The following CDH18 variants were observed in gnomAD, a reference collection of about 807,000 sequenced individuals.
CDH18 encodes the protein cadherin-18.
In CDH18, 31 loss-of-function variants were observed where a neutral mutation model predicts 67.9. That is an observed-to-expected ratio of 0.46 (90% CI 0.34 to 0.62). CDH18 has a LOEUF of 0.62. Among genes scored for constraint, CDH18 ranks in the 20% least tolerant of loss-of-function variants. The pLI, the probability that CDH18 is intolerant of heterozygous loss-of-function variation, is 0.01. For missense variants in CDH18, 890 were observed against 975.5 expected, an observed-to-expected ratio of 0.91 and a Z score of 1.17; for synonymous variants, 362 against 347.2, an observed-to-expected ratio of 1.04 and a Z score of -0.48.
chr5:19,609,187 T>G (rs963483255), intron 6 of CDH18, among the ~76,000 whole-genome samples: 2 of 151,932 alleles, frequency 1.3e-5, no homozygotes, highest in South Asian at 4.1e-4. Flanking sequence ...GATGGATGAT[T>G]TTCTCTAGAA....
At chr5:20,254,822 A>C (rs1744108432) in intron 2 of CDH18, among the ~76,000 whole-genome samples, 2 of 152,282 alleles carry the variant, frequency 1.3e-5, no homozygotes, top group South Asian at 2.1e-4. Flanking sequence ...TTGTATGTTC[A>C]TTGCAACACT....
intron 2 of CDH18, among the ~76,000 whole-genome samples, chr5:20,008,807 T>G (rs1171399594): frequency 1.3e-5 from 2 of 152,066 alleles, no homozygotes; most frequent in African/African-American, 4.8e-5. Flanking sequence ...AGCCAATATG[T>G]CTAGAGCAAT....
At chr5:19,629,982 G>T (rs1330374200) in intron 5 of CDH18, among the ~76,000 whole-genome samples, 4 of 151,852 alleles carry the variant, frequency 2.6e-5, no homozygotes, top group Non-Finnish European at 5.9e-5. Flanking sequence ...CATCGTACAG[G>T]CTGGAGTGCA....
chr5:20,133,532 T>A (rs1374558770), intron 2 of CDH18, among the ~76,000 whole-genome samples: 1 of 152,140 alleles, frequency 6.6e-6, no homozygotes, highest in Non-Finnish European at 1.5e-5. Flanking sequence ...TCAAACCATA[T>A]CACCATTAAA....
At chr5:20,088,790 T>A (rs1344677697) in intron 2 of CDH18, among the ~76,000 whole-genome samples, 1 of 152,166 alleles carries the variant, frequency 6.6e-6, no homozygotes, top group African/African-American at 2.4e-5. Context: ...ATTTTATACA[T>A]GAACAAGGAA....
chr5:19,587,481 A>C (rs2150010370), intron 7 of CDH18, among the ~76,000 whole-genome samples: 1 of 152,238 alleles, frequency 6.6e-6, no homozygotes. Context: ...AGTATAAGGA[A>C]GGGTGTCAGT....
At chr5:20,501,568 T>A (rs1237331382) in intron 1 of CDH18, among the ~76,000 whole-genome samples, 5 of 8,846 alleles carry the variant, frequency 5.7e-4, no homozygotes, top group Non-Finnish European at 1.3e-3. Context: ...TATATATATA[T>A]AATATATATA....
chr5:19,682,246 C>T (rs1760445876), intron 5 of CDH18, among the ~76,000 whole-genome samples: 1 of 152,106 alleles, frequency 6.6e-6, no homozygotes, highest in South Asian at 2.1e-4. Flanking sequence ...AGGGAAAAGT[C>T]TTCGCTGCTT....
chr5:20,017,467 T>G (rs1178235322), intron 2 of CDH18, among the ~76,000 whole-genome samples: 1 of 152,118 alleles, frequency 6.6e-6, no homozygotes, highest in Non-Finnish European at 1.5e-5. Flanking sequence ...ATAATTGAAA[T>G]GCGACATTCA....
intron 1 of CDH18, among the ~76,000 whole-genome samples, chr5:20,364,497 G>GT (rs951144817): frequency 2.6e-5 from 4 of 152,088 alleles, no homozygotes; most frequent in African/African-American, 9.7e-5. Context: ...GAAGAGTGTT[G>GT]TTTTTTACAG....
At chr5:20,352,624 CAAAAA>C (rs35947411) in intron 1 of CDH18, among the ~76,000 whole-genome samples, 910 of 89,116 alleles carry the variant, frequency 0.01, 10 homozygotes, top group African/African-American at 0.033. Flanking sequence ...ACTAAAAATA[CAAAAA>C]AAAAAAAAAA....
chr5:19,555,337 G>A (rs1385048270), intron 8 of CDH18, among the ~76,000 whole-genome samples: 1 of 152,162 alleles, frequency 6.6e-6, no homozygotes, highest in Non-Finnish European at 1.5e-5. Flanking sequence ...ATTGTGAGTT[G>A]GCTTGCTTTC....
chr5:20,198,860 G>C (rs544568334), intron 2 of CDH18, among the ~76,000 whole-genome samples: 1 of 152,186 alleles, frequency 6.6e-6, no homozygotes, highest in Non-Finnish European at 1.5e-5. Flanking sequence ...AGGGGCCAAG[G>C]TATAGCCTGG....
chr5:20,355,621 T>C (rs1342916789), intron 1 of CDH18, among the ~76,000 whole-genome samples: 5 of 152,226 alleles, frequency 3.3e-5, no homozygotes, highest in African/African-American at 4.8e-5. Flanking sequence ...TGATTACTTA[T>C]GATACAAAGA....
At chr5:20,360,992 A>T (rs1336632474) in intron 1 of CDH18, among the ~76,000 whole-genome samples, 1 of 152,132 alleles carries the variant, frequency 6.6e-6, no homozygotes, top group African/African-American at 2.4e-5. Flanking sequence ...ATACATTGGC[A>T]CACAATAAAA....
chr5:19,493,537 G>GGGGTGTGTGTGT (rs1275722116), intron 11 of CDH18, among the ~76,000 whole-genome samples: 44 of 147,936 alleles, frequency 3.0e-4, no homozygotes, highest in Non-Finnish European at 4.9e-4. Context: ...AGGGAATTGG[G>GGGGTGTGTGTGT]GTGTGTGTGT....
At chr5:20,285,227 C>G (rs2126714841) in intron 1 of CDH18, among the ~76,000 whole-genome samples, 1 of 151,226 alleles carries the variant, frequency 6.6e-6, no homozygotes, top group South Asian at 2.1e-4. Flanking sequence ...CAAAGAGAAT[C>G]AGATTTTCTG....
intron 2 of CDH18, among the ~76,000 whole-genome samples, chr5:19,917,965 G>T (rs954785653): frequency 2.0e-5 from 3 of 152,150 alleles, no homozygotes; most frequent in Non-Finnish European, 2.9e-5. Flanking sequence ...AAGCAGAGAC[G>T]TGAGATGTGG....
chr5:20,029,452 C>A (rs892771984), intron 2 of CDH18, among the ~76,000 whole-genome samples: 1 of 152,042 alleles, frequency 6.6e-6, no homozygotes, highest in Non-Finnish European at 1.5e-5. Flanking sequence ...AATGCTTGGC[C>A]GTTCTCCCAG....
Sources: gnomAD v4.1 joint callset for allele counts (sites outside exome capture counted in the v4.1 genomes callset) on GRCh38, gnomAD v4.1.1 for gene constraint, MANE v1.5 for transcripts, NCBI Gene and HGNC (gene_info 2026-07-23, HGNC 2026-07-21) for gene names.